The following MAGOH variants were observed in gnomAD, a reference collection of about 807,000 sequenced individuals.
The protein encoded by MAGOH is mago homolog, exon junction complex subunit.
MAGOH carries 3 observed loss-of-function variants against 20.9 expected under a neutral mutation model. That is an observed-to-expected ratio of 0.14 (90% CI 0.07 to 0.37). The LOEUF is 0.37. Among genes scored for constraint, MAGOH ranks in the 10% least tolerant of loss-of-function variants. The pLI, the probability that MAGOH is intolerant of heterozygous loss-of-function variation, is 1.00. For synonymous variants in MAGOH, 51 were observed against 61.0 expected (o/e 0.84, Z 0.76); for missense variants, 66 against 178.1 (o/e 0.37, Z 3.58).
chr1:53,227,201 C>G (rs1027114160), intron 4 of MAGOH, 57 bp from the exon 5 acceptor site: 11 of 917,360 alleles, frequency 1.2e-5, no homozygotes, highest in Admixed American at 5.7e-5. Context: ...TCAAGTGTCC[C>G]TAAAAAGGAA....
intron 3 of MAGOH, among the ~76,000 whole-genome samples, chr1:53,232,370 AAAGC>A (rs1198032788): frequency 2.0e-5 from 3 of 152,226 alleles, no homozygotes; most frequent in Non-Finnish European, 4.4e-5. Flanking sequence ...AAAACACTGA[AAAGC>A]AAGTAAGACA....
At chr1:53,227,182 T>C in intron 4 of MAGOH, 38 bp from the exon 5 acceptor site, 1 of 1,217,860 alleles carries the variant, frequency 8.2e-7, no homozygotes, top group Non-Finnish European at 1.2e-6. Context: ...GCATTAAAAC[T>C]TTGACCCATC....
At chr1:53,235,917 T>A (rs1259170171) in intron 1 of MAGOH, among the ~76,000 whole-genome samples, 1 of 152,226 alleles carries the variant, frequency 6.6e-6, no homozygotes, top group African/African-American at 2.4e-5. Flanking sequence ...TCAAATCACA[T>A]TTTTGCAGGT....
chr1:53,232,447 GA>G (rs372025121), intron 3 of MAGOH, among the ~76,000 whole-genome samples: 4 of 150,058 alleles, frequency 2.7e-5, no homozygotes, highest in Admixed American at 6.6e-5. Flanking sequence ...AAAGCAAAAA[GA>G]AAAAAAAACA....
At chr1:53,234,782 T>C (rs1645603782) in intron 2 of MAGOH, among the ~76,000 whole-genome samples, 1 of 152,118 alleles carries the variant, frequency 6.6e-6, no homozygotes, top group African/African-American at 2.4e-5. Context: ...AAGCATAAAA[T>C]CAATAGCTAA....
At chr1:53,230,305 GATTT>G (rs938997232) in intron 3 of MAGOH, among the ~76,000 whole-genome samples, 9 of 152,068 alleles carry the variant, frequency 5.9e-5, no homozygotes, top group Admixed American at 3.3e-4. Context: ...ACTTGTGTCA[GATTT>G]TTTTTAAAAA....
intron 2 of MAGOH, among the ~76,000 whole-genome samples, chr1:53,234,246 C>A (rs987527957): frequency 1.3e-5 from 2 of 152,142 alleles, no homozygotes; most frequent in Non-Finnish European, 2.9e-5. Context: ...CTTGCCAGCG[C>A]CTTGATCTTG....
At chr1:53,231,269 T>A (rs1270491599) in intron 3 of MAGOH, among the ~76,000 whole-genome samples, 1 of 152,216 alleles carries the variant, frequency 6.6e-6, no homozygotes, top group African/African-American at 2.4e-5. Flanking sequence ...TATTAATTTG[T>A]AATTCTTTAT....
chr1:53,230,407 G>T (rs1330191106), intron 3 of MAGOH, among the ~76,000 whole-genome samples: 4 of 151,938 alleles, frequency 2.6e-5, no homozygotes, highest in African/African-American at 9.7e-5. Flanking sequence ...TTTCAGATTT[G>T]GTAGTATGTT....
chr1:53,233,765 C>G, intron 2 of MAGOH, 113 bp from the exon 3 acceptor site: 1 of 728,670 alleles, frequency 1.4e-6, no homozygotes, highest in South Asian at 1.6e-5. Flanking sequence ...CTGGCATCTC[C>G]TTAAGTGGGA....
At chr1:53,233,870 C>A in intron 2 of MAGOH, 1 of 447,804 alleles carries the variant, frequency 2.2e-6, no homozygotes, top group East Asian at 4.1e-5. Context: ...GCTGTTACTA[C>A]CTCCTGGTAC....
intron 1 of MAGOH, among the ~76,000 whole-genome samples, chr1:53,238,142 G>A (rs1225833731): frequency 3.9e-5 from 6 of 152,334 alleles, no homozygotes; most frequent in African/African-American, 1.4e-4. Flanking sequence ...CCCAAAGAGT[G>A]GAACAGAGCC....
At chr1:53,233,338 A>C in intron 3 of MAGOH, 1 of 472,802 alleles carries the variant, frequency 2.1e-6, no homozygotes, top group East Asian at 3.4e-5. Context: ...CATGAATTTA[A>C]ATACATACAC....
intron 4 of MAGOH, among the ~76,000 whole-genome samples, chr1:53,227,609 T>C (rs1645566785): frequency 6.6e-6 from 1 of 152,138 alleles, no homozygotes; most frequent in African/African-American, 2.4e-5. Context: ...GGCATGATCT[T>C]GGCTCACTGT....
At chr1:53,232,352 A>C (rs985404160) in intron 3 of MAGOH, among the ~76,000 whole-genome samples, 4 of 152,246 alleles carry the variant, frequency 2.6e-5, no homozygotes, top group Admixed American at 2.0e-4. Flanking sequence ...CTAGAGATAC[A>C]GCAGTGGAAA....
intron 3 of MAGOH, among the ~76,000 whole-genome samples, chr1:53,231,150 C>G (rs1035230083): frequency 4.6e-5 from 7 of 152,112 alleles, no homozygotes; most frequent in African/African-American, 1.7e-4. Context: ...TCACTGTTGT[C>G]CTTTCATTTT....
Position 53,238,353 on chromosome 1 carries a change from G to A in MAGOH, c.88+8C>T, listed in dbSNP as rs140820243. The A allele has an allele frequency of 4.8e-4, 781 of 1,614,022 alleles. 1 individual carries two copies. The African/African-American group carries it at 9.4e-3, about 19-fold the overall frequency. ...CCCCGCTCCCGGCGGGCGGCAGGCT[G>A]CTTTTACCGTCCGGTCGAAACTCAA... On this transcript the variant is annotated splice_region_variant and intron_variant, in intron 1 of 4. Transcript: ENST00000371470.
At chr1:53,233,342 C>T (rs897318273) in intron 3 of MAGOH, 200 bp downstream of exon 3, 3 of 465,514 alleles carry the variant, frequency 6.4e-6, no homozygotes, top group Non-Finnish European at 3.8e-6. Context: ...AATTTAAATA[C>T]ATACACTGAA....
intron 3 of MAGOH, among the ~76,000 whole-genome samples, chr1:53,231,185 A>G (rs532074673): frequency 8.3e-4 from 126 of 152,274 alleles, no homozygotes; most frequent in African/African-American, 2.5e-3. Context: ...AAATCTTTTC[A>G]TATTAGCCAC....
Sources: gnomAD v4.1 joint callset for allele counts (sites outside exome capture counted in the v4.1 genomes callset) on GRCh38, gnomAD v4.1.1 for gene constraint, MANE v1.5 for transcripts, NCBI Gene and HGNC (gene_info 2026-07-23, HGNC 2026-07-21) for gene names.